Variants in ZNF718 observed in about 807,000 individuals in gnomAD.
The protein encoded by ZNF718 is zinc finger protein 718.
Under a neutral mutation model 2.6 loss-of-function variants are expected in ZNF718, and 3 were observed. The ratio of observed to expected loss-of-function variants is 1.16; its 90% CI spans 0.53 to 3.01. The LOEUF is 3.01. ZNF718 is among the 30% of genes most tolerant of loss of function. The pLI is 0.03. For synonymous variants in ZNF718, 135 were observed against 77.9 expected (o/e 1.73, Z -3.86); for missense variants, 468 against 230.0 (o/e 2.03, Z -6.69).
chr4:199,918 A>G (rs538609767), intron 3 of ZNF718, among the ~76,000 whole-genome samples: 3 of 152,210 alleles, frequency 2.0e-5, no homozygotes, highest in South Asian at 2.1e-4. Context: ...GATCTTTAAC[A>G]TGCCAGTCAA....
At chr4:173,126 A>T (rs1717273838) in intron 3 of ZNF718, among the ~76,000 whole-genome samples, 1 of 152,302 alleles carries the variant, frequency 6.6e-6, no homozygotes, top group African/African-American at 2.4e-5. Context: ...TAAACTCTAG[A>T]AATTGCCCTT....
chr4:162,082 T>C lies in ZNF718; in HGVS notation c.1397T>C (p.Leu466Pro). The change falls in exon 4 of 4, where the codon CTT (leucine) becomes CCT (proline). Residue 466 changes from leucine to proline, a missense_variant. Coordinates refer to ENST00000510175, the MANE Select transcript of ZNF718 (RefSeq NM_001039127.6). The part of the protein sequence containing the change: ...CGKAFKQYSN[L>P]PQHKRTHTGG... Reference sequence around the variant, plus strand: ...AAAGCTTTTAAGCAGTACTCCAACCTTCCTCAACATAAGAGAACTCATACT... The same window carrying C: ...AAAGCTTTTAAGCAGTACTCCAACCCTCCTCAACATAAGAGAACTCATACT... 1 of 769,388 alleles carries C rather than the reference T, an allele frequency of 1.3e-6. No homozygotes were observed. The highest frequency in any genetic ancestry group is 2.4e-6 in the Non-Finnish European group (1 of 413,358). The allele number at this position is 769,388 out of a possible 1,614,324, so 47.7% of individuals were successfully genotyped here. A position where few individuals can be genotyped will look rare whatever the true frequency, so the allele number is the denominator to read the frequency against.
chr4:186,153 TC>T (rs1241876270), intron 3 of ZNF718, among the ~76,000 whole-genome samples: 1 of 152,136 alleles, frequency 6.6e-6, no homozygotes, highest in Non-Finnish European at 1.5e-5. Context: ...AGTGCTTCCT[TC>T]AGGAGATCTT....
chr4:135,732 TTA>T, intron 3 of ZNF718, among the ~76,000 whole-genome samples: 1 of 77,632 alleles, frequency 1.3e-5, no homozygotes, highest in East Asian at 5.8e-4. Flanking sequence ...TACTCTAGAG[TTA>T]TATATATGTG....
intron 3 of ZNF718, among the ~76,000 whole-genome samples, chr4:191,052 TA>T (rs1453489395): frequency 4.5e-4 from 68 of 151,620 alleles, no homozygotes; most frequent in Middle Eastern, 3.4e-3. Context: ...AATATATATA[TA>T]TTTTTTTCTA....
chr4:125,878 G>T (rs1715188497), intron 1 of ZNF718, among the ~76,000 whole-genome samples: 1 of 152,186 alleles, frequency 6.6e-6, no homozygotes. Flanking sequence ...AAAAGCACAC[G>T]CAGTGCCCAG....
chr4:145,480 G>C (rs1488778199), intron 3 of ZNF718, among the ~76,000 whole-genome samples: 19 of 151,604 alleles, frequency 1.3e-4, no homozygotes, highest in African/African-American at 4.6e-4. Flanking sequence ...TTCTTTTTTT[G>C]TACAGATAGG....
rs1309921946 is a variant in ZNF718 at position 164,070 on chromosome 4, T to C, written c.*1948T>C. 1.3e-5 allele frequency: 2 copies of C among 152,052 alleles called. No individual in the cohort carries two copies. The highest frequency in any genetic ancestry group is 2.9e-5 in the Non-Finnish European group (2 of 67,956). 9.4% of individuals were successfully genotyped at this position (152,052 alleles called of 1,614,324 possible). A position where few individuals can be genotyped will look rare whatever the true frequency, so the allele number is the denominator to read the frequency against. The stretch of plus-strand genomic sequence containing the variant: ...CAATTAAATTATTTTTTATTACAGG[T>C]AATTTTATGATTGTATTTAGAATTA... On this transcript the variant is annotated 3_prime_UTR_variant, in exon 4 of 4. Transcript: ENST00000510175.
chr4:139,389 AT>A (rs1236884910), intron 3 of ZNF718, among the ~76,000 whole-genome samples: 1 of 152,206 alleles, frequency 6.6e-6, no homozygotes, highest in Non-Finnish European at 1.5e-5. Flanking sequence ...CCCCCATTAT[AT>A]TGAGGCAGGA....
At chr4:144,213 T>C in intron 3 of ZNF718, among the ~76,000 whole-genome samples, 1 of 152,260 alleles carries the variant, frequency 6.6e-6, no homozygotes, top group Non-Finnish European at 1.5e-5. Context: ...CTTTCATTTT[T>C]AGTAAATCCT....
At chr4:159,076 G>A (rs565758784) in intron 3 of ZNF718, among the ~76,000 whole-genome samples, 32 of 142,242 alleles carry the variant, frequency 2.2e-4, no homozygotes, top group East Asian at 1.2e-3. Context: ...TTGTTTTGTC[G>A]CCCAGGCTAG....
At chr4:141,353 C>T (rs375826306) in intron 3 of ZNF718, among the ~76,000 whole-genome samples, 26 of 152,048 alleles carry the variant, frequency 1.7e-4, no homozygotes, top group African/African-American at 4.3e-4. Context: ...GAATTGGAGA[C>T]GTTTGGCTAA....
intron 3 of ZNF718, among the ~76,000 whole-genome samples, chr4:151,431 A>T (rs1431320860): frequency 6.6e-6 from 1 of 151,300 alleles, no homozygotes; most frequent in Non-Finnish European, 1.5e-5. Flanking sequence ...AGTCTTTTCA[A>T]TAACAGTCAT....
intron 3 of ZNF718, among the ~76,000 whole-genome samples, chr4:135,647 C>G (rs531033613): frequency 7.1e-6 from 1 of 141,620 alleles, no homozygotes; most frequent in Non-Finnish European, 1.5e-5. Flanking sequence ...CCAAGAGTTC[C>G]AAGATTTATT....
intron 3 of ZNF718, chr4:201,062 A>G (rs1717889656): frequency 6.6e-6 from 1 of 152,242 alleles, no homozygotes; most frequent in Non-Finnish European, 1.5e-5. Flanking sequence ...GTCATCAAGC[A>G]CTTGAATCCT....
At chr4:149,575 A>G (rs1716223902) in intron 3 of ZNF718, among the ~76,000 whole-genome samples, 1 of 152,194 alleles carries the variant, frequency 6.6e-6, no homozygotes, top group African/African-American at 2.4e-5. Flanking sequence ...TGTTTAATTC[A>G]AATAAAAATA....
In ZNF718 at chr4:130,252, A is replaced by G. The variant is rs1292123382; in HGVS notation, c.4-536A>G. Among the ~76,000 whole-genome samples, 4 of 103,340 alleles carry G rather than the reference A, an allele frequency of 3.9e-5. 1 individual carries two copies. Among genetic ancestry groups the G allele is most frequent in the Non-Finnish European group, 6.5e-5 (3 of 46,490 alleles). 67.8% of individuals were successfully genotyped at this position (103,340 alleles called of 152,430 possible). On this transcript the variant is annotated intron_variant, in intron 1 of 3. Transcript: ENST00000510175. ...CTTGCAATAAGAAGCTAATTCATGG[A>G]CCCTTTTCAAACCTGCAGAATTTTG... is the stretch of plus-strand genomic sequence containing the variant.
intron 3 of ZNF718, among the ~76,000 whole-genome samples, chr4:153,179 C>G (rs911712153): frequency 7.8e-5 from 8 of 102,198 alleles, no homozygotes; most frequent in Non-Finnish European, 1.3e-4. Context: ...TGAAAAGACT[C>G]TCTTTCTCCA....
At chr4:193,800 C>T (rs1717740015) in intron 3 of ZNF718, among the ~76,000 whole-genome samples, 1 of 152,154 alleles carries the variant, frequency 6.6e-6, no homozygotes, top group Admixed American at 6.5e-5. Flanking sequence ...CACCCTCAGT[C>T]CTGCTGCTGG....
Sources: gnomAD v4.1 joint callset for allele counts (sites outside exome capture counted in the v4.1 genomes callset) on GRCh38, gnomAD v4.1.1 for gene constraint, MANE v1.5 for transcripts, NCBI Gene and HGNC (gene_info 2026-07-23, HGNC 2026-07-21) for gene names.